The following RPS6KC1 variants were observed in gnomAD, a reference collection of about 807,000 sequenced individuals.
The protein encoded by RPS6KC1 is inactive ribosomal protein S6 kinase delta-1.
A neutral mutation model predicts 103.8 loss-of-function variants in RPS6KC1; 54 were observed. That is an observed-to-expected ratio of 0.52 (90% CI 0.42 to 0.65). The LOEUF (loss-of-function observed/expected upper bound fraction) is 0.65. Among genes scored for constraint, RPS6KC1 ranks in the 30% least tolerant of loss-of-function variants. The pLI is 0.00. For missense variants in RPS6KC1, 1,151 were observed against 1,253.8 expected (o/e 0.92, Z 1.24); for synonymous variants, 439 against 438.7 (o/e 1.00, Z -0.01).
the RPS6KC1 span, among the ~76,000 whole-genome samples, chr1:213,392,974 A>G: frequency 6.6e-6 from 1 of 152,204 alleles, no homozygotes; most frequent in Non-Finnish European, 1.5e-5. Flanking sequence ...ATTCAACGAC[A>G]TCTGCTGAAA....
the RPS6KC1 span, among the ~76,000 whole-genome samples, chr1:213,432,262 T>C: frequency 1.1e-4 from 17 of 152,352 alleles, no homozygotes; most frequent in African/African-American, 4.1e-4. Flanking sequence ...CTCTTAATGC[T>C]ATATTTTGGT....
the RPS6KC1 span, among the ~76,000 whole-genome samples, chr1:213,314,816 C>A: frequency 2.0e-5 from 3 of 151,980 alleles, no homozygotes; most frequent in Non-Finnish European, 4.4e-5. Context: ...GAAATGTGTG[C>A]TGAAGAATAA....
the RPS6KC1 span, among the ~76,000 whole-genome samples, chr1:213,539,563 T>C: frequency 1.3e-5 from 2 of 152,324 alleles, no homozygotes; most frequent in Admixed American, 6.5e-5. Flanking sequence ...CAGATGCACA[T>C]TGGGGAAAGT....
chr1:213,288,935 G>GT, the RPS6KC1 span, among the ~76,000 whole-genome samples: 3 of 152,110 alleles, frequency 2.0e-5, no homozygotes, highest in African/African-American at 4.8e-5. Context: ...GGATTGGCTT[G>GT]TTGTTTGTTT....
chr1:213,406,176 G>A, the RPS6KC1 span, among the ~76,000 whole-genome samples: 5 of 152,322 alleles, frequency 3.3e-5, no homozygotes, highest in Non-Finnish European at 5.9e-5. Context: ...CTGTGGGGTC[G>A]GAGTGTATGT....
the RPS6KC1 span, chr1:213,731,466 C>G: frequency 6.6e-6 from 1 of 152,154 alleles, no homozygotes; most frequent in Non-Finnish European, 1.5e-5. Context: ...CTTCTCATTT[C>G]ATCCTAAAGG....
chr1:213,850,450 G>A, the RPS6KC1 span, among the ~76,000 whole-genome samples: 2 of 152,152 alleles, frequency 1.3e-5, no homozygotes, highest in South Asian at 2.1e-4. Context: ...CTGCTTCTCC[G>A]GAGAGGGAGG....
chr1:213,574,179 A>G, the RPS6KC1 span, among the ~76,000 whole-genome samples: 1 of 152,212 alleles, frequency 6.6e-6, no homozygotes, highest in African/African-American at 2.4e-5. Context: ...CAGTGCTGGC[A>G]TCCCCTTTCT....
the RPS6KC1 span, among the ~76,000 whole-genome samples, chr1:213,331,625 G>A: frequency 6.6e-6 from 1 of 152,236 alleles, no homozygotes; most frequent in Admixed American, 6.5e-5. Context: ...CTCCACGTCT[G>A]CAGATGTTTG....
chr1:213,272,688 C>T lies in RPS6KC1; in HGVS notation c.*54C>T. Reference sequence around the variant, plus strand: ...CTGATCTTCTCTGTGACAGGCATCTCCAGCACTGAGGCACCTCTGACTCAC... The same window carrying T: ...CTGATCTTCTCTGTGACAGGCATCTTCAGCACTGAGGCACCTCTGACTCAC... On this transcript the variant is annotated 3_prime_UTR_variant, in exon 15 of 15. Coordinates refer to ENST00000366960, the MANE Select transcript of RPS6KC1 (RefSeq NM_012424.6). 1 of 1,342,136 alleles carries T rather than the reference C, an allele frequency of 7.5e-7. No homozygotes were observed. The highest frequency in any genetic ancestry group is 1.1e-6 in the Non-Finnish European group (1 of 935,558). 83.1% of individuals were successfully genotyped at this position (1,342,136 alleles called of 1,614,324 possible). A position where few individuals can be genotyped will look rare whatever the true frequency, so the allele number is the denominator to read the frequency against.
At chr1:213,555,467 GC>G in the RPS6KC1 span, among the ~76,000 whole-genome samples, 1 of 152,066 alleles carries the variant, frequency 6.6e-6, no homozygotes, top group Non-Finnish European at 1.5e-5. Flanking sequence ...TTTTGTTTTC[GC>G]TTTTGTTTTT....
chr1:213,491,059 C>T, the RPS6KC1 span, among the ~76,000 whole-genome samples: 1 of 152,106 alleles, frequency 6.6e-6, no homozygotes, highest in African/African-American at 2.4e-5. Flanking sequence ...GAGATGCTCC[C>T]CTTGCCCACC....
intron 8 of RPS6KC1, among the ~76,000 whole-genome samples, chr1:213,228,092 A>G (rs1490385699): frequency 2.0e-5 from 3 of 152,190 alleles, no homozygotes; most frequent in Non-Finnish European, 4.4e-5. Context: ...TCGAAGGGTT[A>G]GAGATTCTAT....
chr1:213,554,490 C>T, the RPS6KC1 span, among the ~76,000 whole-genome samples: 4 of 152,156 alleles, frequency 2.6e-5, no homozygotes, highest in Non-Finnish European at 5.9e-5. Context: ...CTTAGGATTG[C>T]ACTGGCTATT....
the RPS6KC1 span, among the ~76,000 whole-genome samples, chr1:213,385,389 C>T: frequency 6.6e-6 from 1 of 152,168 alleles, no homozygotes; most frequent in African/African-American, 2.4e-5. Context: ...GGCCACACAG[C>T]TAGTAATGGT....
the RPS6KC1 span, among the ~76,000 whole-genome samples, chr1:213,776,275 A>G: frequency 2.6e-5 from 4 of 152,202 alleles, no homozygotes; most frequent in Non-Finnish European, 5.9e-5. Context: ...TGTCGGAGGA[A>G]TCACTCTCTG....
chr1:213,638,413 A>T, the RPS6KC1 span, among the ~76,000 whole-genome samples: 1 of 151,972 alleles, frequency 6.6e-6, no homozygotes, highest in Non-Finnish European at 1.5e-5. Flanking sequence ...TTTAGTTTTC[A>T]TGTCTAGGAG....
chr1:213,824,757 A>G, the RPS6KC1 span, among the ~76,000 whole-genome samples: 3 of 152,224 alleles, frequency 2.0e-5, no homozygotes, highest in Admixed American at 6.5e-5. Flanking sequence ...GCCTTCTGCC[A>G]TGATTGTGAG....
rs151130535 is a variant in RPS6KC1, at chr1:213,201,978, A to G, written c.1044+25486A>G. ...GTGGTTTTTAGTTTGCTTGGGGTCA[A>G]AGTCTTAGGATTACATATTATGTGT... On this transcript the variant is annotated intron_variant, in intron 8 of 14. Coordinates refer to ENST00000366960, the MANE Select transcript of RPS6KC1 (RefSeq NM_012424.6). Among the ~76,000 whole-genome samples, 21 of 152,256 alleles carry G rather than the reference A, an allele frequency of 1.4e-4. No individual in the cohort carries two copies. The East Asian group carries it at 3.9e-3, about 28-fold the overall frequency.
Sources: gnomAD v4.1 joint callset for allele counts (sites outside exome capture counted in the v4.1 genomes callset) on GRCh38, gnomAD v4.1.1 for gene constraint, MANE v1.5 for transcripts, NCBI Gene and HGNC (gene_info 2026-07-23, HGNC 2026-07-21) for gene names.